The following GPC5 variants were observed in gnomAD, a reference collection of about 807,000 sequenced individuals.
GPC5 encodes the protein glypican-5.
Under a neutral mutation model 53.9 loss-of-function variants are expected in GPC5, and 47 were observed. The ratio of observed to expected loss-of-function variants is 0.87; its 90% confidence interval spans 0.69 to 1.11. The LOEUF (loss-of-function observed/expected upper bound fraction) is 1.11. GPC5 is among the 50% of genes most tolerant of loss of function. GPC5 has a pLI of 0.00. For synonymous variants in GPC5, 286 were observed against 263.3 expected, an observed-to-expected ratio of 1.09 and a Z score of -0.84; for missense variants, 748 against 713.1, an observed-to-expected ratio of 1.05 and a Z score of -0.56.
intron 2 of GPC5, among the ~76,000 whole-genome samples, chr13:91,597,300 A>G (rs2033029775): frequency 6.6e-6 from 1 of 152,212 alleles, no homozygotes. Flanking sequence ...TCGTTAGTAT[A>G]ATTAATTTAT....
chr13:92,128,052 C>T (rs572588648), intron 6 of GPC5, among the ~76,000 whole-genome samples: 1 of 152,260 alleles, frequency 6.6e-6, no homozygotes, highest in African/African-American at 2.4e-5. Flanking sequence ...TTTCTGAGAT[C>T]AATCTTCCTC....
chr13:92,829,845 CA>C (rs1186111877), intron 7 of GPC5, among the ~76,000 whole-genome samples: 4 of 151,938 alleles, frequency 2.6e-5, no homozygotes, highest in African/African-American at 4.8e-5. Flanking sequence ...AGAAAACTGC[CA>C]AAAGTAGATA....
intron 7 of GPC5, among the ~76,000 whole-genome samples, chr13:92,710,032 C>A (rs1367041593): frequency 6.6e-6 from 1 of 152,142 alleles, no homozygotes; most frequent in Non-Finnish European, 1.5e-5. Flanking sequence ...CTACTCATAG[C>A]CACTGGCAGA....
chr13:92,448,455 T>G (rs928447438), intron 7 of GPC5: 2 of 152,144 alleles, frequency 1.3e-5, no homozygotes, highest in African/African-American at 4.8e-5. Context: ...TAAAAATTGA[T>G]TTGGTATCAG....
At chr13:92,064,831 C>T (rs1402156891) in intron 6 of GPC5, among the ~76,000 whole-genome samples, 2 of 151,496 alleles carry the variant, frequency 1.3e-5, no homozygotes, top group Admixed American at 6.6e-5. Context: ...ATGCATACTA[C>T]TCAAAGATAG....
chr13:91,411,071 T>G (rs527457481), intron 1 of GPC5, among the ~76,000 whole-genome samples: 2 of 152,328 alleles, frequency 1.3e-5, no homozygotes, highest in Admixed American at 1.3e-4. Flanking sequence ...ATTGTGCCAC[T>G]GCACTCCAGC....
At chr13:91,776,612 G>A (rs1249079018) in intron 5 of GPC5, among the ~76,000 whole-genome samples, 1 of 152,160 alleles carries the variant, frequency 6.6e-6, no homozygotes, top group East Asian at 1.9e-4. Flanking sequence ...GCAACTCGCA[G>A]AGCAAAAACT....
chr13:92,826,103 T>A (rs185025516), intron 7 of GPC5, among the ~76,000 whole-genome samples: 1 of 152,240 alleles, frequency 6.6e-6, no homozygotes, highest in East Asian at 1.9e-4. Context: ...TCTCTTCCAC[T>A]TGAATATGGG....
chr13:92,231,530 T>C (rs954740134), intron 7 of GPC5, among the ~76,000 whole-genome samples: 2 of 152,078 alleles, frequency 1.3e-5, no homozygotes, highest in African/African-American at 4.8e-5. Context: ...AACTCTATCA[T>C]TAAGAAGTTA....
intron 2 of GPC5, among the ~76,000 whole-genome samples, chr13:91,573,597 T>C (rs910904821): frequency 3.9e-5 from 6 of 152,198 alleles, no homozygotes; most frequent in Non-Finnish European, 5.9e-5. Flanking sequence ...TGATACCCTT[T>C]ACTCTCAAAT....
chr13:92,518,245 G>C (rs528177983), intron 7 of GPC5, among the ~76,000 whole-genome samples: 1 of 152,146 alleles, frequency 6.6e-6, no homozygotes, highest in Non-Finnish European at 1.5e-5. Flanking sequence ...TAGCAAGGCA[G>C]GCCAACATTC....
chr13:92,659,791 G>A (rs1886274995), intron 7 of GPC5, among the ~76,000 whole-genome samples: 1 of 152,130 alleles, frequency 6.6e-6, no homozygotes, highest in African/African-American at 2.4e-5. Context: ...CATCTGGTAG[G>A]GCTGATGTTC....
intron 7 of GPC5, among the ~76,000 whole-genome samples, chr13:92,522,248 C>G (rs1566273927): frequency 6.6e-6 from 1 of 152,146 alleles, no homozygotes; most frequent in Non-Finnish European, 1.5e-5. Context: ...TACCATTTGA[C>G]CCAGCCATCC....
At chr13:92,155,556 A>T (rs905833449) in intron 7 of GPC5, among the ~76,000 whole-genome samples, 1 of 152,108 alleles carries the variant, frequency 6.6e-6, no homozygotes, top group Non-Finnish European at 1.5e-5. Context: ...TTTCTTCCTC[A>T]GGAGCACCTA....
chr13:92,191,085 G>A (rs1164874056), intron 7 of GPC5, among the ~76,000 whole-genome samples: 2 of 152,090 alleles, frequency 1.3e-5, no homozygotes, highest in East Asian at 3.9e-4. Context: ...TTCAGACAGA[G>A]TGAGCTTCAG....
At chr13:92,851,872 A>G (rs996711570) in intron 7 of GPC5, among the ~76,000 whole-genome samples, 1 of 143,630 alleles carries the variant, frequency 7.0e-6, no homozygotes, top group African/African-American at 2.6e-5. Flanking sequence ...TGAGTGACAG[A>G]GCAAGACTCC....
chr13:92,106,264 C>A (rs1338837563), intron 6 of GPC5, among the ~76,000 whole-genome samples: 1 of 151,764 alleles, frequency 6.6e-6, no homozygotes, highest in Non-Finnish European at 1.5e-5. Flanking sequence ...AGATGGACCC[C>A]CAATTTCAAA....
At chr13:92,780,472 C>T (rs1371070323) in intron 7 of GPC5, among the ~76,000 whole-genome samples, 1 of 151,800 alleles carries the variant, frequency 6.6e-6, no homozygotes, top group Non-Finnish European at 1.5e-5. Flanking sequence ...AAAGTTCTCT[C>T]CCCAAGTGAT....
chr13:92,628,056 C>T (rs940098936), intron 7 of GPC5, among the ~76,000 whole-genome samples: 4 of 151,912 alleles, frequency 2.6e-5, no homozygotes, highest in Non-Finnish European at 4.4e-5. Context: ...ATCTTCCTGG[C>T]GTCAGCCTAA....
Sources: gnomAD v4.1 joint callset for allele counts (sites outside exome capture counted in the v4.1 genomes callset) on GRCh38, gnomAD v4.1.1 for gene constraint, MANE v1.5 for transcripts, NCBI Gene and HGNC (gene_info 2026-07-23, HGNC 2026-07-21) for gene names.